The following AMPH variants were observed in gnomAD, a reference collection of about 807,000 sequenced individuals.
AMPH encodes the protein amphiphysin (Stiff-Mann syndrome with breast cancer 128kD autoantigen).
Under a neutral mutation model 99.1 loss-of-function variants are expected in AMPH, and 49 were observed. That is an observed-to-expected ratio of 0.49 (90% confidence interval 0.39 to 0.63). The LOEUF is 0.63. AMPH is among the 20% of genes least tolerant of loss of function. AMPH has a pLI of 0.00. For synonymous variants in AMPH, 314 were observed against 317.3 expected (o/e 0.99, Z 0.11); for missense variants, 759 against 863.4 (o/e 0.88, Z 1.52).
chr7:38,532,472 C>T (rs954491454), intron 2 of AMPH, among the ~76,000 whole-genome samples: 10 of 152,118 alleles, frequency 6.6e-5, no homozygotes, highest in African/African-American at 2.4e-4. Flanking sequence ...AAGTTTCACA[C>T]GTTTTAAAAT....
chr7:38,608,053 G>A (rs1230102286), intron 1 of AMPH, among the ~76,000 whole-genome samples: 2 of 151,998 alleles, frequency 1.3e-5, no homozygotes, highest in African/African-American at 4.8e-5. Context: ...TGTCCAGGCT[G>A]GTCTCAAACC....
intron 2 of AMPH, 114 bp from the exon 3 acceptor site, chr7:38,503,818 CAT>C (rs1043935171): frequency 2.8e-5 from 29 of 1,024,860 alleles, no homozygotes; most frequent in Admixed American, 5.4e-5. Context: ...TGGAAAAAAA[CAT>C]AAATATGTGG....
intron 17 of AMPH, among the ~76,000 whole-genome samples, chr7:38,400,851 T>A (rs1784820786): frequency 6.6e-6 from 1 of 152,226 alleles, no homozygotes; most frequent in South Asian, 2.1e-4. Flanking sequence ...CTGCCCAGCA[T>A]GAAATTCCAT....
At chr7:38,598,608 A>G (rs1382918009) in intron 1 of AMPH, among the ~76,000 whole-genome samples, 1 of 152,084 alleles carries the variant, frequency 6.6e-6, no homozygotes, top group Non-Finnish European at 1.5e-5. Flanking sequence ...ATATCTTACA[A>G]CACAAGGTCT....
chr7:38,578,381 C>T (rs1318157419), intron 1 of AMPH, among the ~76,000 whole-genome samples: 1 of 152,114 alleles, frequency 6.6e-6, no homozygotes, highest in Non-Finnish European at 1.5e-5. Flanking sequence ...AAAACAATTC[C>T]CAAAGAACTT....
chr7:38,449,761 G>A (rs1786933783), intron 11 of AMPH, among the ~76,000 whole-genome samples: 1 of 152,120 alleles, frequency 6.6e-6, no homozygotes, highest in Admixed American at 6.6e-5. Context: ...ATGTTAACAT[G>A]TTTACTTTGA....
rs1441252593 is a variant in AMPH at position 38,471,122 on chromosome 7, A to G, written c.590+4209T>C. ...TATTTGTTGAATGCATGATAAATGT[A>G]TCTGATCCCTATCTTTCTCCTGCTT... On this transcript the variant is annotated intron_variant, in intron 7 of 20. Coordinates refer to ENST00000356264, the MANE Select transcript of AMPH (RefSeq NM_001635.4). Among the ~76,000 whole-genome samples the G allele has an allele frequency of 3.9e-5, 6 of 152,180 alleles. 1 individual carries two copies. Among genetic ancestry groups the G allele is most frequent in the African/African-American group, 1.2e-4 (5 of 41,434 alleles).
intron 1 of AMPH, among the ~76,000 whole-genome samples, chr7:38,586,388 TATA>T (rs1294078219): frequency 6.6e-6 from 1 of 152,230 alleles, no homozygotes; most frequent in Non-Finnish European, 1.5e-5. Flanking sequence ...TTGTATTTTC[TATA>T]ATAACATAGA....
At chr7:38,614,361 A>G (rs1008685796) in intron 1 of AMPH, among the ~76,000 whole-genome samples, 1 of 152,226 alleles carries the variant, frequency 6.6e-6, no homozygotes, top group Non-Finnish European at 1.5e-5. Context: ...ACTGAACTGG[A>G]AAGCTCTGGA....
intron 5 of AMPH, among the ~76,000 whole-genome samples, chr7:38,480,212 T>A (rs371159030): frequency 6.6e-6 from 1 of 152,150 alleles, no homozygotes; most frequent in Admixed American, 6.6e-5. Flanking sequence ...CTCTAATTTG[T>A]CCGAAATTGC....
chr7:38,546,851 T>A (rs1791012715), intron 1 of AMPH, among the ~76,000 whole-genome samples: 1 of 152,188 alleles, frequency 6.6e-6, no homozygotes, highest in African/African-American at 2.4e-5. Flanking sequence ...CTATGCTGCA[T>A]TCTCTCCAGT....
intron 11 of AMPH, among the ~76,000 whole-genome samples, chr7:38,441,263 A>G (rs1786493778): frequency 1.3e-5 from 2 of 152,174 alleles, no homozygotes; most frequent in Non-Finnish European, 2.9e-5. Flanking sequence ...ATAAAAAAGC[A>G]CACACACTTT....
chr7:38,436,003 G>T (rs189450934), intron 12 of AMPH, among the ~76,000 whole-genome samples: 4 of 152,288 alleles, frequency 2.6e-5, no homozygotes, highest in Admixed American at 2.0e-4. Context: ...TGAGTGCAAC[G>T]TGGGCACTGG....
At chr7:38,515,014 T>C (rs1347004901) in intron 2 of AMPH, among the ~76,000 whole-genome samples, 3 of 152,086 alleles carry the variant, frequency 2.0e-5, no homozygotes, top group Admixed American at 6.5e-5. Context: ...AGGAGAGCTA[T>C]AGGAAAAACC....
intron 1 of AMPH, among the ~76,000 whole-genome samples, chr7:38,601,628 T>G (rs1363084645): frequency 6.6e-6 from 1 of 152,188 alleles, no homozygotes; most frequent in African/African-American, 2.4e-5. Context: ...GCTTGCTGGA[T>G]TCAAAGTATT....
intron 11 of AMPH, among the ~76,000 whole-genome samples, chr7:38,444,966 T>C (rs1324175791): frequency 7.4e-6 from 1 of 134,468 alleles, no homozygotes; most frequent in East Asian, 2.2e-4. Context: ...AATCACATGG[T>C]CCAGAAATAT....
At chr7:38,593,574 G>A (rs888145932) in intron 1 of AMPH, among the ~76,000 whole-genome samples, 1 of 152,208 alleles carries the variant, frequency 6.6e-6, no homozygotes, top group African/African-American at 2.4e-5. Flanking sequence ...AATAACAAAT[G>A]TTAATTTGCT....
At chr7:38,438,289 C>G (rs1418117937) in intron 11 of AMPH, among the ~76,000 whole-genome samples, 1 of 152,092 alleles carries the variant, frequency 6.6e-6, no homozygotes, top group African/African-American at 2.4e-5. Context: ...CCTGCCTTTT[C>G]AAATATAATC....
intron 6 of AMPH, among the ~76,000 whole-genome samples, chr7:38,475,692 G>A (rs1397682661): frequency 6.6e-6 from 1 of 152,184 alleles, no homozygotes; most frequent in Non-Finnish European, 1.5e-5. Context: ...CATGTAGACA[G>A]CTCTGCTATG....
Sources: gnomAD v4.1 joint callset for allele counts (sites outside exome capture counted in the v4.1 genomes callset) on GRCh38, gnomAD v4.1.1 for gene constraint, MANE v1.5 for transcripts, NCBI Gene and HGNC (gene_info 2026-07-23, HGNC 2026-07-21) for gene names.